The following EFHC1 variants were observed in gnomAD, a reference collection of about 807,000 sequenced individuals.
EFHC1 encodes the protein EF-hand domain containing 1.
A neutral mutation model predicts 69.9 loss-of-function variants in EFHC1; 53 were observed. That is an observed-to-expected ratio of 0.76 (90% confidence interval 0.61 to 0.95). The LOEUF is 0.95. EFHC1 is among the 40% of genes least tolerant of loss of function. EFHC1 has a pLI of 0.00. For missense variants in EFHC1, 739 were observed against 798.7 expected (o/e 0.93, Z 0.90); for synonymous variants, 256 against 278.4 (o/e 0.92, Z 0.80).
At chr6:52,448,281 C>T (rs1042860645) in intron 3 of EFHC1, among the ~76,000 whole-genome samples, 2 of 152,248 alleles carry the variant, frequency 1.3e-5, no homozygotes, top group Non-Finnish European at 2.9e-5. Context: ...GCGGATGCCC[C>T]TCCACCAGCC....
intron 3 of EFHC1, among the ~76,000 whole-genome samples, chr6:52,451,769 G>C (rs766963174): frequency 6.6e-6 from 1 of 152,218 alleles, no homozygotes; most frequent in Non-Finnish European, 1.5e-5. Flanking sequence ...TTTCAGGAAT[G>C]TCTGGTGAAA....
Position 52,479,764 on chromosome 6 carries a change from A to G in EFHC1, c.1617A>G (p.Glu539=). The G allele has an allele frequency of 6.2e-7, 1 of 1,614,218 alleles. No homozygotes were observed. Among genetic ancestry groups the G allele is most frequent in the Non-Finnish European group, 8.5e-7 (1 of 1,180,034 alleles). Residue 539 remains glutamate, a synonymous_variant, in exon 9 of 11, where the codon GAA becomes GAG. Coordinates refer to ENST00000371068, the MANE Select transcript of EFHC1 (RefSeq NM_018100.4). ...ASIQNHVRKR[E]APAPEAESKQ... ...TTCAGAACCATGTCCGAAAGCGAGAAGCGCCTGCTCCAGAAGCAGAAAGGT... is the reference window on the plus strand; with the variant it reads ...TTCAGAACCATGTCCGAAAGCGAGAGGCGCCTGCTCCAGAAGCAGAAAGGT...
intron 6 of EFHC1, among the ~76,000 whole-genome samples, chr6:52,467,371 G>A (rs1269899717): frequency 2.6e-5 from 4 of 151,794 alleles, no homozygotes; most frequent in African/African-American, 9.7e-5. Flanking sequence ...AGTACAGACG[G>A]GGTTTCACCA....
intron 7 of EFHC1, among the ~76,000 whole-genome samples, chr6:52,473,502 C>T (rs780268302): frequency 6.6e-5 from 10 of 152,216 alleles, no homozygotes; most frequent in Admixed American, 1.3e-4. Context: ...GATAAATGAC[C>T]GGGCACGGTG....
chr6:52,486,345 A>G (rs1157962856), intron 9 of EFHC1: 1 of 152,174 alleles, frequency 6.6e-6, no homozygotes, highest in Non-Finnish European at 1.5e-5. Context: ...CTCAAGACTT[A>G]AGGCCAGCAA....
Position 52,424,163 on chromosome 6 carries a change from A to T in EFHC1, c.281A>T (p.Lys94Ile). The stretch of plus-strand genomic sequence containing the variant: ...ATTCCTGCGCATGTGGCCTTTGACA[A>T]AAAGGTATCATCTGGAATTTTAGGG... The part of the protein sequence containing the change: ...DFIPAHVAFD[K>I]KVLKFDAYFQ... Residue 94 changes from lysine to isoleucine, a missense_variant, in exon 2 of 11, where the codon AAA becomes ATA. Transcript: ENST00000371068. 6.2e-7 allele frequency: 1 copy of T among 1,613,830 alleles called. No homozygotes were observed. The highest frequency in any genetic ancestry group is 8.5e-7 in the Non-Finnish European group (1 of 1,179,846).
At chr6:52,483,262 A>G (rs779661134) in intron 9 of EFHC1, 2 of 158,294 alleles carry the variant, frequency 1.3e-5, no homozygotes, top group Non-Finnish European at 2.8e-5. Context: ...AATGGTGGTA[A>G]TCGAAATTCA....
Position 52,422,676 on chromosome 6 carries a change from A to T in EFHC1, c.64-1270A>T, listed in dbSNP as rs1019464045. Among the ~76,000 whole-genome samples, 7 of 152,280 alleles carry T rather than the reference A, an allele frequency of 4.6e-5. 1 individual carries two copies. Among genetic ancestry groups the T allele is most frequent in the Admixed American group, 2.0e-4 (3 of 15,304 alleles). On this transcript the variant is annotated intron_variant, in intron 1 of 10. Coordinates refer to ENST00000371068, the MANE Select transcript of EFHC1 (RefSeq NM_018100.4). ...ATTATAGATAAGTAATTGTGAAAGT[A>T]TCCTCACAACAGAAAAAGGAAACCA... is the stretch of plus-strand genomic sequence containing the variant.
intron 5 of EFHC1, 49 bp downstream of exon 5, chr6:52,454,336 C>T (rs190149453): frequency 6.2e-7 from 1 of 1,610,294 alleles, no homozygotes; most frequent in East Asian, 2.2e-5. Flanking sequence ...TTTTTAGGTT[C>T]TTAAAGGAGT....
intron 9 of EFHC1, among the ~76,000 whole-genome samples, chr6:52,481,352 G>C (rs940640874): frequency 2.0e-5 from 3 of 152,106 alleles, no homozygotes; most frequent in Non-Finnish European, 4.4e-5. Context: ...TTCAGTTCTG[G>C]ATATATCGTA....
rs1562468509 is a variant in EFHC1 at position 52,494,563 on chromosome 6, CTCTT to C, written c.*2226_*2229del. 4.4e-6 allele frequency: 2 copies of C among 454,138 alleles called. No individual in the cohort carries two copies. Among genetic ancestry groups the C allele is most frequent in the South Asian group, 1.6e-5 (1 of 64,476 alleles). 28.1% of individuals were successfully genotyped at this position (454,138 alleles called of 1,614,324 possible). The stretch of plus-strand genomic sequence containing the variant: ...TGAGTGACATGTGCCGAAAGGCTGA[CTCTT>C]TCTCCCAGAGCACCTTTTCTCTCTT... On this transcript the variant is annotated 3_prime_UTR_variant, in exon 11 of 11. Transcript: ENST00000371068.
chr6:52,465,008 A>G lies in EFHC1; in HGVS notation c.1030A>G (p.Ile344Val), dbSNP rs953235641. 2 of 1,614,046 alleles carry G rather than the reference A, an allele frequency of 1.2e-6. No homozygotes were observed. Among genetic ancestry groups the G allele is most frequent in the African/African-American group, 2.7e-5 (2 of 74,928 alleles). ...CACTATCCTTGGGAGAACTTTCTTC[A>G]TTTATGATTGTGATCCATTTACTCG... ...SLTILGRTFF[I>V]YDCDPFTRRY... Residue 344 changes from isoleucine (I) to valine (V), a missense_variant, in exon 6 of 11, where the codon ATT becomes GTT. Ile to Val is a conservative substitution (Grantham distance 29). Coordinates refer to ENST00000371068, the MANE Select transcript of EFHC1 (RefSeq NM_018100.4).
chr6:52,431,480 G>T (rs189933104), intron 2 of EFHC1, among the ~76,000 whole-genome samples: 6 of 152,188 alleles, frequency 3.9e-5, no homozygotes, highest in East Asian at 3.9e-4. Context: ...TTAGGAGCAG[G>T]TTATTTAATT....
Position 52,495,374 on chromosome 6 carries a change from C to T in EFHC1, c.*3033C>T, listed in dbSNP as rs1056904392. The T allele has an allele frequency of 2.2e-6, 1 of 454,124 alleles. No individual in the cohort carries two copies. Among genetic ancestry groups the T allele is most frequent in the African/African-American group, 2.0e-5 (1 of 50,128 alleles). 28.1% of individuals were successfully genotyped at this position (454,124 alleles called of 1,614,324 possible). A position where few individuals can be genotyped will look rare whatever the true frequency, so the allele number is the denominator to read the frequency against. On this transcript the variant is annotated 3_prime_UTR_variant, in exon 11 of 11. Transcript: ENST00000371068. ...AGGCACTCCAGCCCCTTTCAAGAAG[C>T]TTGCACTTTCTGATATTTTCTCCAT...
intron 7 of EFHC1, among the ~76,000 whole-genome samples, chr6:52,474,697 T>C (rs1765508679): frequency 1.3e-5 from 2 of 152,236 alleles, no homozygotes; most frequent in African/African-American, 2.4e-5. Flanking sequence ...AATAACAACA[T>C]GGCTAAATCA....
In EFHC1 at chr6:52,494,155, T is replaced by C. The variant is rs1312059997; in HGVS notation, c.*1814T>C. On this transcript the variant is annotated 3_prime_UTR_variant, in exon 11 of 11. Transcript: ENST00000371068. ...TCAATAAACTCACGTAAGTAAAAAATATCACAAGTTGAAAACACATTTAAT... is the reference window on the plus strand; with the variant it reads ...TCAATAAACTCACGTAAGTAAAAAACATCACAAGTTGAAAACACATTTAAT... The C allele has an allele frequency of 2.2e-6, 1 of 453,834 alleles. No homozygotes were observed. The highest frequency in any genetic ancestry group is 4.4e-6 in the Non-Finnish European group (1 of 226,786). The allele number at this position is 453,834 out of a possible 1,614,324, so 28.1% of individuals were successfully genotyped here. A position where few individuals can be genotyped will look rare whatever the true frequency, so the allele number is the denominator to read the frequency against.
rs1221509903 is a variant in EFHC1, at chr6:52,493,799, T to TA, written c.*1460dup. On this transcript the variant is annotated 3_prime_UTR_variant, in exon 11 of 11. Transcript: ENST00000371068. The stretch of plus-strand genomic sequence containing the variant: ...CTTCTCTTTGGTTGAAGTCAGCCAC[T>TA]AAGTTCATCTTTAAACATGCTATCT... The TA allele has an allele frequency of 2.2e-6, 1 of 454,142 alleles. No individual in the cohort carries two copies. The highest frequency in any genetic ancestry group is 4.4e-6 in the Non-Finnish European group (1 of 226,794). The allele number at this position is 454,142 out of a possible 1,614,324, so 28.1% of individuals were successfully genotyped here. A position where few individuals can be genotyped will look rare whatever the true frequency, so the allele number is the denominator to read the frequency against.
Position 52,493,204 on chromosome 6 carries a change from C to T in EFHC1, c.*863C>T, listed in dbSNP as rs1173771329. On this transcript the variant is annotated 3_prime_UTR_variant, in exon 11 of 11. Coordinates refer to ENST00000371068, the MANE Select transcript of EFHC1 (RefSeq NM_018100.4). The stretch of plus-strand genomic sequence containing the variant: ...GCTGACCTTCAGACTGGACCTAAAC[C>T]ATCAGCTCTCCTAAGTCATAGGCCT... 2.2e-6 allele frequency: 1 copy of T among 453,404 alleles called. No individual in the cohort carries two copies. Among genetic ancestry groups the T allele is most frequent in the Admixed American group, 2.4e-5 (1 of 42,484 alleles). 28.1% of individuals were successfully genotyped at this position (453,404 alleles called of 1,614,324 possible).
At chr6:52,447,999 A>G (rs1321607547) in intron 3 of EFHC1, among the ~76,000 whole-genome samples, 1 of 152,218 alleles carries the variant, frequency 6.6e-6, no homozygotes, top group Non-Finnish European at 1.5e-5. Flanking sequence ...GGTGTCTCCC[A>G]GTTAGGCTAC....
Sources: allele counts gnomAD v4.1 joint callset (sites outside exome capture counted in the v4.1 genomes callset), GRCh38; gene constraint gnomAD v4.1.1; transcripts MANE v1.5; gene names NCBI Gene and HGNC (gene_info 2026-07-23, HGNC 2026-07-21).